The following EPHB1 variants were observed in gnomAD, a reference collection of about 807,000 sequenced individuals.
The protein encoded by EPHB1 is EPH receptor B1, also known as ephrin type-B receptor 1.
EPHB1 carries 30 observed loss-of-function variants against 94.4 expected under a neutral mutation model. The observed-to-expected ratio is 0.32, with a 90% confidence interval of 0.24 to 0.43. The LOEUF (loss-of-function observed/expected upper bound fraction) is 0.43. Among genes scored for constraint, EPHB1 ranks in the 20% least tolerant of loss-of-function variants. The pLI is 1.00. For missense variants in EPHB1, 1,055 were observed against 1,308.3 expected, an observed-to-expected ratio of 0.81 and a Z score of 2.99; for synonymous variants, 522 against 489.1, an observed-to-expected ratio of 1.07 and a Z score of -0.89.
At chr3:135,058,071 G>A (rs964174593) in intron 3 of EPHB1, among the ~76,000 whole-genome samples, 1 of 152,220 alleles carries the variant, frequency 6.6e-6, no homozygotes, top group Non-Finnish European at 1.5e-5. Flanking sequence ...GACACATACA[G>A]ACTGAGGGGC....
At chr3:134,920,767 AC>A (rs967796197) in intron 1 of EPHB1, among the ~76,000 whole-genome samples, 1 of 152,152 alleles carries the variant, frequency 6.6e-6, no homozygotes, top group Non-Finnish European at 1.5e-5. Flanking sequence ...GCCAGGCAGT[AC>A]CTGCCTCTTC....
intron 12 of EPHB1, among the ~76,000 whole-genome samples, chr3:135,227,962 T>A (rs1203027415): frequency 6.6e-6 from 1 of 152,216 alleles, no homozygotes; most frequent in Non-Finnish European, 1.5e-5. Flanking sequence ...TCTTAGACTC[T>A]TCGTGTGTAT....
chr3:135,061,910 C>T (rs1937516415), intron 3 of EPHB1, among the ~76,000 whole-genome samples: 1 of 152,132 alleles, frequency 6.6e-6, no homozygotes, highest in African/African-American at 2.4e-5. Context: ...ATCCATGTCC[C>T]TACAAAGGAC....
At chr3:134,919,758 C>A (rs76388487) in intron 1 of EPHB1, among the ~76,000 whole-genome samples, 2,684 of 152,208 alleles carry the variant, frequency 0.018, 87 homozygotes, top group African/African-American at 0.061. Context: ...ACACCCTTGG[C>A]ACCTAATGCA....
intron 15 of EPHB1, among the ~76,000 whole-genome samples, chr3:135,253,296 G>A (rs1376871871): frequency 1.3e-5 from 2 of 151,386 alleles, no homozygotes; most frequent in African/African-American, 4.8e-5. Flanking sequence ...CCATGCCTAT[G>A]TCCTCAATGG....
chr3:135,206,603 A>G (rs1308915407), intron 12 of EPHB1, among the ~76,000 whole-genome samples: 2 of 152,192 alleles, frequency 1.3e-5, no homozygotes, highest in African/African-American at 2.4e-5. Context: ...TAATCCCAGC[A>G]CTTTGGGAGG....
chr3:135,044,162 A>G (rs1936929790), intron 3 of EPHB1, among the ~76,000 whole-genome samples: 1 of 152,246 alleles, frequency 6.6e-6, no homozygotes, highest in Non-Finnish European at 1.5e-5. Context: ...CAGGATGTGA[A>G]GGGGCAGACA....
chr3:134,953,317 T>C (rs1933111352), intron 3 of EPHB1, among the ~76,000 whole-genome samples: 1 of 152,240 alleles, frequency 6.6e-6, no homozygotes, highest in African/African-American at 2.4e-5. Context: ...CACTCAGCCT[T>C]CCTGAGGCCT....
chr3:134,829,159 G>A (rs961200704), intron 1 of EPHB1, among the ~76,000 whole-genome samples: 2 of 152,224 alleles, frequency 1.3e-5, no homozygotes, highest in African/African-American at 4.8e-5. Flanking sequence ...ATAAAATTCT[G>A]TGAGACACAC....
chr3:135,137,417 T>C (rs1342640690), intron 5 of EPHB1, among the ~76,000 whole-genome samples: 1 of 152,222 alleles, frequency 6.6e-6, no homozygotes, highest in African/African-American at 2.4e-5. Context: ...ATTCTGGATT[T>C]AGCCTGTTGG....
intron 3 of EPHB1, among the ~76,000 whole-genome samples, chr3:134,972,172 A>G (rs927270738): frequency 1.3e-5 from 2 of 151,898 alleles, no homozygotes; most frequent in Non-Finnish European, 2.9e-5. Flanking sequence ...GGGCTCCTCT[A>G]AGAGAAGAGG....
At chr3:135,051,807 A>C (rs1041107329) in intron 3 of EPHB1, among the ~76,000 whole-genome samples, 3 of 152,188 alleles carry the variant, frequency 2.0e-5, no homozygotes, top group Non-Finnish European at 4.4e-5. Context: ...TGGAGGCATT[A>C]CCTCATTTCT....
chr3:135,183,526 C>G (rs1395899624), intron 10 of EPHB1, among the ~76,000 whole-genome samples: 1 of 152,168 alleles, frequency 6.6e-6, no homozygotes, highest in Non-Finnish European at 1.5e-5. Flanking sequence ...TACTCAATGC[C>G]TAACAAGTCC....
At chr3:134,926,073 T>C (rs1420516164) in intron 2 of EPHB1, among the ~76,000 whole-genome samples, 193 bp downstream of exon 2, 2 of 152,138 alleles carry the variant, frequency 1.3e-5, no homozygotes, top group Admixed American at 1.3e-4. Context: ...CGTGTGCTGA[T>C]GTAGACCATC....
chr3:135,195,542 A>G (rs1264204566), intron 11 of EPHB1, among the ~76,000 whole-genome samples: 1 of 148,050 alleles, frequency 6.8e-6, no homozygotes, highest in South Asian at 2.2e-4. Flanking sequence ...TGTCCATGTG[A>G]TCTCATTGTT....
At chr3:135,145,254 A>G (rs1326702488) in intron 5 of EPHB1, among the ~76,000 whole-genome samples, 1 of 152,224 alleles carries the variant, frequency 6.6e-6, no homozygotes, top group Non-Finnish European at 1.5e-5. Flanking sequence ...TTCTTTGGTC[A>G]TGAGTACTAG....
intron 1 of EPHB1, among the ~76,000 whole-genome samples, chr3:134,882,676 CCT>C (rs1560280247): frequency 6.6e-6 from 1 of 151,618 alleles, no homozygotes. Context: ...TTCCTTCCTT[CCT>C]TCTTTCCTTC....
intron 3 of EPHB1, among the ~76,000 whole-genome samples, chr3:134,952,333 T>C (rs765166664): frequency 6.6e-6 from 1 of 151,354 alleles, no homozygotes; most frequent in Non-Finnish European, 1.5e-5. Context: ...TGTTGAAGTG[T>C]TGAATTTATC....
At chr3:134,954,410 A>G (rs1310573937) in intron 3 of EPHB1, among the ~76,000 whole-genome samples, 1 of 152,148 alleles carries the variant, frequency 6.6e-6, no homozygotes, top group Non-Finnish European at 1.5e-5. Flanking sequence ...TTTGGTGCTC[A>G]CGGAGTGCTG....
Sources: gnomAD v4.1 joint callset for allele counts (sites outside exome capture counted in the v4.1 genomes callset) on GRCh38, gnomAD v4.1.1 for gene constraint, MANE v1.5 for transcripts, NCBI Gene and HGNC (gene_info 2026-07-23, HGNC 2026-07-21) for gene names.